The following PCDH15 variants were observed in gnomAD, a reference collection of about 807,000 sequenced individuals.
The protein encoded by PCDH15 is protocadherin related 15, also known as protocadherin-15.
In PCDH15, 129 loss-of-function variants were observed where a neutral mutation model predicts 178.5. The observed-to-expected ratio is 0.72, with a 90% CI of 0.63 to 0.84. The LOEUF (loss-of-function observed/expected upper bound fraction) is 0.84, where lower values mean the gene tolerates loss of function less well. Among genes scored for constraint, PCDH15 ranks in the 40% least tolerant of loss-of-function variants. PCDH15 has a pLI of 0.00. For missense variants in PCDH15, 2,230 were observed against 2,099.9 expected (o/e 1.06, Z -1.21); for synonymous variants, 800 against 732.0 (o/e 1.09, Z -1.50).
chr10:54,624,054 A>C (rs1252662553), intron 2 of PCDH15, among the ~76,000 whole-genome samples: 2 of 152,186 alleles, frequency 1.3e-5, no homozygotes, highest in African/African-American at 4.8e-5. Context: ...AAACCAAAGA[A>C]AATCATGGGT....
intron 2 of PCDH15, among the ~76,000 whole-genome samples, chr10:55,577,874 G>T (rs889990580): frequency 6.6e-6 from 1 of 152,066 alleles, no homozygotes; most frequent in African/African-American, 2.4e-5. Context: ...TAAATGATTT[G>T]AATTTCTGAA....
intron 2 of PCDH15, among the ~76,000 whole-genome samples, chr10:54,613,324 A>G (rs1213031042): frequency 6.6e-6 from 1 of 151,904 alleles, no homozygotes; most frequent in Non-Finnish European, 1.5e-5. Context: ...GTGAATGAGG[A>G]AAAGAAAGAC....
chr10:54,544,930 C>T (rs576802287), intron 2 of PCDH15, among the ~76,000 whole-genome samples: 37 of 152,152 alleles, frequency 2.4e-4, no homozygotes, highest in African/African-American at 7.0e-4. Context: ...TGTCTATCAT[C>T]AGGAGGTTGG....
intron 2 of PCDH15, chr10:55,599,762 T>G: frequency 2.3e-6 from 1 of 426,728 alleles, no homozygotes; most frequent in Non-Finnish European, 4.1e-6. Flanking sequence ...TCACCCCATC[T>G]CTCTACCAAA....
intron 23 of PCDH15, among the ~76,000 whole-genome samples, chr10:53,942,231 G>A (rs1263569599): frequency 6.6e-6 from 1 of 152,076 alleles, no homozygotes; most frequent in African/African-American, 2.4e-5. Flanking sequence ...AAAATGAAGT[G>A]TGTAAAGTAG....
chr10:54,204,225 G>A (rs530548720), intron 10 of PCDH15, among the ~76,000 whole-genome samples: 25 of 152,034 alleles, frequency 1.6e-4, no homozygotes, highest in Non-Finnish European at 3.5e-4. Context: ...TTTTTTCACA[G>A]GTGGAAAGTA....
chr10:54,170,996 G>T (rs1432646150), intron 13 of PCDH15, among the ~76,000 whole-genome samples: 4 of 152,010 alleles, frequency 2.6e-5, no homozygotes, highest in African/African-American at 4.8e-5. Flanking sequence ...TACTCAACAT[G>T]CCCTGAGTCA....
intron 1 of PCDH15, among the ~76,000 whole-genome samples, chr10:55,254,355 G>A (rs1841929863): frequency 6.6e-6 from 1 of 152,094 alleles, no homozygotes; most frequent in African/African-American, 2.4e-5. Flanking sequence ...TTTTGGAAGA[G>A]GCTATTTTTT....
chr10:55,080,950 T>C (rs1842026049), intron 2 of PCDH15, among the ~76,000 whole-genome samples: 1 of 152,234 alleles, frequency 6.6e-6, no homozygotes, highest in African/African-American at 2.4e-5. Flanking sequence ...AAGGAACCCA[T>C]TGTTAGATAA....
At chr10:53,933,575 G>A (rs1194800375) in intron 25 of PCDH15, among the ~76,000 whole-genome samples, 4 of 152,244 alleles carry the variant, frequency 2.6e-5, no homozygotes, top group Non-Finnish European at 5.9e-5. Context: ...GACTATCGTT[G>A]TTGGACATTT....
intron 20 of PCDH15, among the ~76,000 whole-genome samples, chr10:54,006,474 T>C (rs1462157231): frequency 6.6e-6 from 1 of 152,192 alleles, no homozygotes; most frequent in African/African-American, 2.4e-5. Flanking sequence ...CTTACCTCCA[T>C]ACAATAGGTA....
In PCDH15 at chr10:54,793,676, A is replaced by G. The variant is rs544624540; in HGVS notation, c.-29+7249T>C. Among the ~76,000 whole-genome samples the G allele has an allele frequency of 8.3e-4, 124 of 148,682 alleles. 1 individual carries two copies. Among genetic ancestry groups the G allele is most frequent in the Non-Finnish European group, 1.4e-3 (91 of 67,286 alleles). ...TATATATGCTTATATATACATATAT[A>G]CACACATATATATACATATATAAAC... On this transcript the variant is annotated intron_variant, in intron 1 of 37. Transcript: ENST00000644397.
At chr10:54,225,540 T>C (rs1311024872) in intron 9 of PCDH15, among the ~76,000 whole-genome samples, 1 of 152,226 alleles carries the variant, frequency 6.6e-6, no homozygotes, top group Non-Finnish European at 1.5e-5. Flanking sequence ...ACCACGGTGA[T>C]AGCCTCCTAA....
chr10:55,393,668 A>G (rs1339755346), intron 2 of PCDH15, among the ~76,000 whole-genome samples: 1 of 152,192 alleles, frequency 6.6e-6, no homozygotes, highest in East Asian at 1.9e-4. Flanking sequence ...CTCTCTAACA[A>G]TAGGGGCTAT....
chr10:54,861,115 C>A (rs1953834536), intron 3 of PCDH15, among the ~76,000 whole-genome samples: 1 of 152,052 alleles, frequency 6.6e-6, no homozygotes, highest in Admixed American at 6.6e-5. Context: ...TACTATCATT[C>A]TCCTTTAAAG....
chr10:55,006,617 G>A (rs975834996), intron 2 of PCDH15, among the ~76,000 whole-genome samples: 4 of 151,950 alleles, frequency 2.6e-5, no homozygotes, highest in East Asian at 1.9e-4. Context: ...TCATTTAAAC[G>A]TGTATGGCAC....
chr10:55,252,679 G>A (rs537357768), intron 1 of PCDH15, among the ~76,000 whole-genome samples: 1 of 152,040 alleles, frequency 6.6e-6, no homozygotes, highest in Admixed American at 6.5e-5. Context: ...GGGCCAAGGG[G>A]GGTAAAGTGA....
intron 2 of PCDH15, among the ~76,000 whole-genome samples, chr10:55,480,146 C>T (rs894254515): frequency 5.3e-5 from 8 of 151,404 alleles, no homozygotes; most frequent in Non-Finnish European, 1.0e-4. Context: ...ATGTTTTTTG[C>T]TTCTGTTTGT....
At chr10:53,848,965 AT>A (rs1465685300) in intron 28 of PCDH15, among the ~76,000 whole-genome samples, 3 of 152,114 alleles carry the variant, frequency 2.0e-5, no homozygotes, top group African/African-American at 7.2e-5. Flanking sequence ...AATAAAATAT[AT>A]TTTTAATCTG....
Sources: gnomAD v4.1 joint callset for allele counts (sites outside exome capture counted in the v4.1 genomes callset) on GRCh38, gnomAD v4.1.1 for gene constraint, MANE v1.5 for transcripts, NCBI Gene and HGNC (gene_info 2026-07-23, HGNC 2026-07-21) for gene names.